Variants in DMXL1 observed in about 807,000 individuals in gnomAD.
DMXL1 encodes the protein dmX-like protein 1.
DMXL1 carries 99 observed loss-of-function variants against 319.2 expected under a neutral mutation model. The ratio of observed to expected loss-of-function variants is 0.31; its 90% CI spans 0.26 to 0.37. The LOEUF is 0.37. DMXL1 is among the 10% of genes least tolerant of loss of function. The pLI is 1.00. For synonymous variants in DMXL1, 1,385 were observed against 1,235.2 expected (o/e 1.12, Z -2.54); for missense variants, 3,745 against 3,595.6 (o/e 1.04, Z -1.06).
chr5:119,073,846 C>A (rs910130221), intron 1 of DMXL1, among the ~76,000 whole-genome samples: 9 of 151,950 alleles, frequency 5.9e-5, no homozygotes, highest in Non-Finnish European at 1.3e-4. Flanking sequence ...AAATTTTTCT[C>A]TCTTGAAATC....
chr5:119,214,033 G>A (rs78428689), intron 34 of DMXL1, among the ~76,000 whole-genome samples: 5,940 of 151,984 alleles, frequency 0.039, 310 homozygotes, highest in African/African-American at 0.12. Context: ...TATCTTTCCT[G>A]TCTTTACTCT....
intron 40 of DMXL1, among the ~76,000 whole-genome samples, chr5:119,237,720 T>C (rs1788011463): frequency 6.6e-6 from 1 of 152,034 alleles, no homozygotes; most frequent in African/African-American, 2.4e-5. Flanking sequence ...TATTATATTA[T>C]GCCTAAATAG....
At chr5:119,114,157 A>T (rs536172664) in intron 5 of DMXL1, among the ~76,000 whole-genome samples, 1 of 152,334 alleles carries the variant, frequency 6.6e-6, no homozygotes, top group South Asian at 2.1e-4. Flanking sequence ...ATAGGGATCC[A>T]TGGTTCTGGA....
At position 119,152,037 on chromosome 5, in the gene DMXL1, G is replaced by A. The variant is rs2150151735; in HGVS notation, c.4702+1G>A. 1 of 1,600,356 alleles carries A rather than the reference G, an allele frequency of 6.2e-7. No homozygotes were observed. Among genetic ancestry groups the A allele is most frequent in the East Asian group, 2.2e-5 (1 of 44,634 alleles). ...TATCGAGCTCAACTCCTTCACCAAG[G>A]TGATTTTGATAGTAATCTATTAAAG... is the stretch of plus-strand genomic sequence containing the variant. On this transcript the variant is annotated splice_donor_variant, in intron 19 of 43. Coordinates refer to ENST00000539542, the MANE Select transcript of DMXL1 (RefSeq NM_001290321.3). LOFTEE classifies it high-confidence loss of function.
chr5:119,173,486 A>G (rs900842789), intron 25 of DMXL1, among the ~76,000 whole-genome samples: 14 of 151,402 alleles, frequency 9.2e-5, no homozygotes, highest in African/African-American at 3.2e-4. Flanking sequence ...TCTCTCATTC[A>G]TCTTTGGTCA....
intron 9 of DMXL1, among the ~76,000 whole-genome samples, chr5:119,123,741 TTGCCTTG>T (rs1762840757): frequency 1.2e-4 from 1 of 8,050 alleles, no homozygotes; most frequent in African/African-American, 4.8e-4. Flanking sequence ...AGCAATCTTC[TTGCCTTG>T]GCCTCCCAAA....
chr5:119,236,233 A>G (rs1787730165), intron 39 of DMXL1: 1 of 152,086 alleles, frequency 6.6e-6, no homozygotes. Flanking sequence ...AAAATACCCC[A>G]TGTTAACTAA....
chr5:119,172,005 G>A (rs1774666221), intron 25 of DMXL1, 36 bp downstream of exon 25: 4 of 1,525,594 alleles, frequency 2.6e-6, no homozygotes, highest in Non-Finnish European at 3.5e-6. Flanking sequence ...TACTTCATCT[G>A]TACAATGATA....
Position 119,171,940 on chromosome 5 carries a change from C to G in DMXL1, c.6652C>G (p.Pro2218Ala). The change falls in exon 25 of 44, where the codon CCA (proline) becomes GCA (alanine). Residue 2218 changes from proline (P) to alanine (A), a missense_variant. Pro to Ala is a conservative substitution (Grantham distance 27). Transcript: ENST00000539542. ...CCATGCCATAATAAACTTTGATTCA[C>G]CACCCCACCCTGATATCCAAAGCAA... The part of the protein sequence containing the change: ...ILHAIINFDS[P>A]PHPDIQSNKV... 1 of 1,613,104 alleles carries G rather than the reference C, an allele frequency of 6.2e-7. No homozygotes were observed. The highest frequency in any genetic ancestry group is 8.5e-7 in the Non-Finnish European group (1 of 1,179,508).
At chr5:119,089,290 A>ATTTTTTTTTTTT (rs1671032703) in intron 1 of DMXL1, among the ~76,000 whole-genome samples, 1 of 27,040 alleles carries the variant, frequency 3.7e-5, no homozygotes, top group African/African-American at 1.3e-4. Flanking sequence ...ATATATATAT[A>ATTTTTTTTTTTT]TATTTTTTTT....
At chr5:119,082,808 C>G (rs1752528765) in intron 1 of DMXL1, among the ~76,000 whole-genome samples, 1 of 152,202 alleles carries the variant, frequency 6.6e-6, no homozygotes, top group African/African-American at 2.4e-5. Flanking sequence ...AACACTAGGT[C>G]TTATGACTTC....
At chr5:119,099,536 A>G (rs572580097) in intron 2 of DMXL1, among the ~76,000 whole-genome samples, 40 of 152,092 alleles carry the variant, frequency 2.6e-4, no homozygotes, top group African/African-American at 9.4e-4. Flanking sequence ...CATTCTCTTC[A>G]TGTTTGTTTG....
chr5:119,165,513 A>G (rs993991103), intron 21 of DMXL1, among the ~76,000 whole-genome samples: 2 of 152,254 alleles, frequency 1.3e-5, no homozygotes, highest in Non-Finnish European at 2.9e-5. Context: ...TCCAGAAACA[A>G]TATTTTGCTT....
intron 1 of DMXL1, among the ~76,000 whole-genome samples, chr5:119,086,654 A>G (rs992253258): frequency 6.6e-6 from 1 of 152,172 alleles, no homozygotes; most frequent in African/African-American, 2.4e-5. Context: ...GATAGAATTC[A>G]GCAGTGAAAC....
chr5:119,094,117 G>A (rs764485045), intron 1 of DMXL1, among the ~76,000 whole-genome samples: 6 of 152,200 alleles, frequency 3.9e-5, no homozygotes, highest in Non-Finnish European at 7.4e-5. Context: ...CTATGTGAAA[G>A]AACAGATTTT....
At chr5:119,103,638 A>G (rs941520000) in intron 3 of DMXL1, among the ~76,000 whole-genome samples, 1 of 152,100 alleles carries the variant, frequency 6.6e-6, no homozygotes, top group Admixed American at 6.6e-5. Context: ...TCTGATTTCT[A>G]TTTGTTTTTA....
At chr5:119,106,935 T>A (rs916938160) in intron 4 of DMXL1, among the ~76,000 whole-genome samples, 2 of 152,148 alleles carry the variant, frequency 1.3e-5, no homozygotes, top group African/African-American at 4.8e-5. Flanking sequence ...AAGAGTAATA[T>A]GTAGGAGTTA....
chr5:119,222,491 A>C, intron 37 of DMXL1, among the ~76,000 whole-genome samples: 2 of 152,154 alleles, frequency 1.3e-5, no homozygotes, highest in East Asian at 3.8e-4. Context: ...TTAAAGGAGA[A>C]CTCAAAGGGA....
Position 119,116,380 on chromosome 5 carries a change from A to G in DMXL1, c.743+44A>G, listed in dbSNP as rs371835461. 1.5e-5 allele frequency: 23 copies of G among 1,571,540 alleles called. No homozygotes were observed. In the African/African-American group the frequency reaches 2.6e-4, roughly 18 times the overall value. On this transcript the variant is annotated intron_variant, in intron 7 of 43. Transcript: ENST00000539542. ...TCCCTCCACATATTAAGGGAGCATC[A>G]TCTTTGTTACTTTGATTGCTTCTCT...
Sources: gnomAD v4.1 joint callset for allele counts (sites outside exome capture counted in the v4.1 genomes callset) on GRCh38, gnomAD v4.1.1 for gene constraint, MANE v1.5 for transcripts, NCBI Gene and HGNC (gene_info 2026-07-23, HGNC 2026-07-21) for gene names.